Variants in SORCS1 observed in about 807,000 individuals in gnomAD.
SORCS1 encodes VPS10 domain-containing receptor SorCS1.
A neutral mutation model predicts 146.1 loss-of-function variants in SORCS1; 60 were observed. The observed-to-expected ratio is 0.41, with a 90% CI of 0.33 to 0.51. The LOEUF is 0.51. SORCS1 is among the 20% of genes least tolerant of loss of function. The probability of loss-of-function intolerance (pLI) is 0.21; values close to 1 mark genes in which losing one functional copy is unlikely to be tolerated. For synonymous variants in SORCS1, 637 were observed against 584.0 expected (o/e 1.09, Z -1.31); for missense variants, 1,352 against 1,487.6 (o/e 0.91, Z 1.50).
intron 2 of SORCS1, among the ~76,000 whole-genome samples, chr10:106,876,626 G>C (rs943296403): frequency 4.6e-5 from 7 of 152,166 alleles, no homozygotes; most frequent in African/African-American, 1.7e-4. Context: ...GTGGAATGAC[G>C]GACAGGATGC....
At chr10:106,920,968 T>C (rs1952682596) in intron 2 of SORCS1, among the ~76,000 whole-genome samples, 1 of 152,062 alleles carries the variant, frequency 6.6e-6, no homozygotes, top group African/African-American at 2.4e-5. Flanking sequence ...AGCAACAGTC[T>C]CCATGGCATG....
At chr10:106,924,255 A>C (rs1413356968) in intron 2 of SORCS1, among the ~76,000 whole-genome samples, 1 of 96,700 alleles carries the variant, frequency 1.0e-5, no homozygotes, top group Admixed American at 9.7e-5. Flanking sequence ...ACTCCATCTC[A>C]AAAAAAAAAA....
intron 1 of SORCS1, among the ~76,000 whole-genome samples, chr10:107,083,260 G>A (rs950542032): frequency 2.6e-5 from 4 of 152,128 alleles, no homozygotes; most frequent in Non-Finnish European, 5.9e-5. Flanking sequence ...ACTAGGAACT[G>A]TGGTAAGCAG....
intron 2 of SORCS1, among the ~76,000 whole-genome samples, chr10:106,836,246 G>A (rs1053991659): frequency 2.6e-5 from 4 of 151,836 alleles, no homozygotes; most frequent in African/African-American, 7.3e-5. Flanking sequence ...AGGCCGAGGC[G>A]GGCAGATCAC....
intron 1 of SORCS1, among the ~76,000 whole-genome samples, chr10:107,132,260 C>T (rs1966913115): frequency 6.7e-6 from 1 of 150,160 alleles, no homozygotes. Context: ...TATACCCAAG[C>T]TTTAGCTATG....
intron 2 of SORCS1, among the ~76,000 whole-genome samples, chr10:106,852,485 G>T (rs998873797): frequency 1.1e-4 from 16 of 151,858 alleles, no homozygotes; most frequent in African/African-American, 3.6e-4. Context: ...AAAATTAGCT[G>T]GGCATGGTGT....
intron 3 of SORCS1, among the ~76,000 whole-genome samples, chr10:106,805,886 G>A (rs999424870): frequency 2.7e-5 from 4 of 150,562 alleles, no homozygotes; most frequent in Admixed American, 6.6e-5. Flanking sequence ...GTGAAACCCC[G>A]TCTCTACTAA....
chr10:106,820,000 G>A (rs575534881), intron 3 of SORCS1, among the ~76,000 whole-genome samples: 82 of 152,146 alleles, frequency 5.4e-4, no homozygotes, highest in African/African-American at 6.3e-4. Flanking sequence ...AATCTCTGTC[G>A]TCTTCTCTCT....
At chr10:107,043,760 C>T (rs1456933768) in intron 1 of SORCS1, among the ~76,000 whole-genome samples, 1 of 152,128 alleles carries the variant, frequency 6.6e-6, no homozygotes, top group African/African-American at 2.4e-5. Flanking sequence ...CTACTAAATT[C>T]GGCAATGGAG....
intron 1 of SORCS1, among the ~76,000 whole-genome samples, chr10:106,967,097 A>G (rs1252754292): frequency 5.9e-5 from 8 of 136,340 alleles, no homozygotes; most frequent in Non-Finnish European, 1.6e-5. Context: ...TCCCAAGTTC[A>G]GAGATGCTAT....
At chr10:107,128,867 G>A (rs1476626498) in intron 1 of SORCS1, among the ~76,000 whole-genome samples, 2 of 152,164 alleles carry the variant, frequency 1.3e-5, no homozygotes, top group African/African-American at 4.8e-5. Context: ...CTTACTCCCA[G>A]GTCGTGCCAC....
intron 17 of SORCS1, among the ~76,000 whole-genome samples, chr10:106,656,796 T>C (rs2135318704): frequency 6.6e-6 from 1 of 152,222 alleles, no homozygotes; most frequent in East Asian, 1.9e-4. Flanking sequence ...TGGGGGTACT[T>C]TTAAAATAGA....
In SORCS1 at chr10:106,606,823, A is replaced by G. The variant is rs551688405; in HGVS notation, c.3165+343T>C. Among the ~76,000 whole-genome samples the G allele has an allele frequency of 2.6e-5, 4 of 152,252 alleles. No individual in the cohort carries two copies. The South Asian group carries it at 8.3e-4, about 32-fold the overall frequency. Reference sequence around the variant, plus strand: ...TTCTCACAAGATCTGATGGTTTTATATGGGGCTTTCCCTGCTTCACTCTAC... The same window carrying G: ...TTCTCACAAGATCTGATGGTTTTATGTGGGGCTTTCCCTGCTTCACTCTAC... On this transcript the variant is annotated intron_variant, in intron 23 of 25. Transcript: ENST00000263054.
At chr10:106,985,053 G>A (rs145770550) in intron 1 of SORCS1, among the ~76,000 whole-genome samples, 2,111 of 152,164 alleles carry the variant, frequency 0.014, 24 homozygotes, top group Admixed American at 0.025. Flanking sequence ...TGGGCATGGT[G>A]GTGCACACCT....
intron 10 of SORCS1, among the ~76,000 whole-genome samples, chr10:106,682,335 C>G (rs1024387839): frequency 6.6e-6 from 1 of 152,066 alleles, no homozygotes; most frequent in Non-Finnish European, 1.5e-5. Flanking sequence ...TTTTGGTGTA[C>G]TTTTTTCTCC....
intron 1 of SORCS1, among the ~76,000 whole-genome samples, chr10:107,034,439 G>A (rs1276641339): frequency 1.3e-5 from 2 of 151,760 alleles, no homozygotes; most frequent in Non-Finnish European, 2.9e-5. Flanking sequence ...CAACACTTTG[G>A]GAGACCGAGG....
intron 1 of SORCS1, among the ~76,000 whole-genome samples, chr10:107,076,646 G>T (rs1962905906): frequency 6.6e-6 from 1 of 152,148 alleles, no homozygotes; most frequent in African/African-American, 2.4e-5. Context: ...CATTTAATGA[G>T]CCCAGGGATG....
intron 3 of SORCS1, among the ~76,000 whole-genome samples, chr10:106,790,316 A>G (rs1020418246): frequency 2.6e-5 from 4 of 152,162 alleles, no homozygotes; most frequent in Non-Finnish European, 5.9e-5. Context: ...CAGAAAGCCA[A>G]TCACTGAGAC....
Position 106,750,174 on chromosome 10 carries a change from C to T in SORCS1, c.959+11414G>A, listed in dbSNP as rs530367445. On this transcript the variant is annotated intron_variant, in intron 5 of 25. Transcript: ENST00000263054. ...AGACACAATTATGAGGATTTTTTTT[C>T]CCTCTTACCCTCACTCATGGTAATC... Among the ~76,000 whole-genome samples, 106 of 151,856 alleles carry T rather than the reference C, an allele frequency of 7.0e-4. 1 individual carries two copies. Among genetic ancestry groups the T allele is most frequent in the African/African-American group, 2.4e-3 (98 of 41,476 alleles).
Sources: gnomAD v4.1 joint callset for allele counts (sites outside exome capture counted in the v4.1 genomes callset) on GRCh38, gnomAD v4.1.1 for gene constraint, MANE v1.5 for transcripts, NCBI Gene and HGNC (gene_info 2026-07-23, HGNC 2026-07-21) for gene names.